The following RAB9B variants were observed in gnomAD, a reference collection of about 807,000 sequenced individuals.
RAB9B encodes RAB9B, member RAS oncogene family.
In RAB9B, 1 loss-of-function variant was observed where a neutral mutation model predicts 8.9. The ratio of observed to expected loss-of-function variants is 0.11; its 90% CI spans 0.04 to 0.53. The LOEUF (loss-of-function observed/expected upper bound fraction) is 0.53, where lower values mean the gene tolerates loss of function less well. Among genes scored for constraint, RAB9B ranks in the 20% least tolerant of loss-of-function variants. RAB9B has a pLI of 0.93. For synonymous variants in RAB9B, 63 were observed against 57.0 expected (o/e 1.10, Z -0.47); for missense variants, 82 against 152.9 (o/e 0.54, Z 2.45).
At chrX:103,800,692 T>C in the RAB9B span, among the ~76,000 whole-genome samples, 1 of 112,122 alleles carries the variant, frequency 8.9e-6, no homozygotes, top group African/African-American at 3.2e-5. Flanking sequence ...CTCATTTTAA[T>C]GTATCTGCGT....
At chrX:103,783,655 T>C in the RAB9B span, among the ~76,000 whole-genome samples, 10 of 112,054 alleles carry the variant, frequency 8.9e-5, no homozygotes, top group African/African-American at 2.9e-4. Flanking sequence ...TGTAAATCAC[T>C]AGGTATTCAT....
chrX:103,817,376 A>G (rs758677193), downstream of RAB9B, among the ~76,000 whole-genome samples: 3 of 110,865 alleles, frequency 2.7e-5, no homozygotes, highest in East Asian at 8.5e-4. Context: ...TGGGAGTCGA[A>G]CAATAAGAAC....
At chrX:103,800,347 C>T in the RAB9B span, among the ~76,000 whole-genome samples, 1 of 111,170 alleles carries the variant, frequency 9.0e-6, no homozygotes, top group Non-Finnish European at 1.9e-5. Flanking sequence ...AGAACACATT[C>T]ATTGCTTTAG....
chrX:103,831,428 T>C (rs2074703068), intron 1 of RAB9B, among the ~76,000 whole-genome samples: 1 of 103,589 alleles, frequency 9.7e-6, no homozygotes, highest in Admixed American at 1.1e-4. Context: ...ATATCCTATA[T>C]GCAACTCAAA....
At chrX:103,778,658 C>T in the RAB9B span, among the ~76,000 whole-genome samples, 20 of 111,528 alleles carry the variant, frequency 1.8e-4, no homozygotes, top group African/African-American at 5.9e-4. Flanking sequence ...CAGATAAGGG[C>T]ACGATTGAGG....
the RAB9B span, among the ~76,000 whole-genome samples, chrX:103,779,157 G>A: frequency 1.8e-5 from 2 of 112,480 alleles, no homozygotes; most frequent in Non-Finnish European, 3.8e-5. Flanking sequence ...TTGGGATAAT[G>A]ATGGAACCAG....
chrX:103,797,244 G>A, the RAB9B span, among the ~76,000 whole-genome samples: 2 of 108,294 alleles, frequency 1.8e-5, no homozygotes, highest in African/African-American at 6.8e-5. Flanking sequence ...ACTGCACCAT[G>A]CTCAGTGCTA....
the RAB9B span, among the ~76,000 whole-genome samples, chrX:103,789,733 A>G: frequency 8.9e-6 from 1 of 112,195 alleles, no homozygotes; most frequent in African/African-American, 3.2e-5. Context: ...TTTTGATCAG[A>G]TCAGTGACAA....
chrX:103,776,802 C>T, the RAB9B span: 164 of 460,364 alleles, frequency 3.6e-4, no homozygotes, highest in South Asian at 4.2e-3. Context: ...GAAAGCAGGC[C>T]TGTCCCTTTA....
the RAB9B span, chrX:103,780,118 G>C: frequency 8.9e-6 from 1 of 112,946 alleles, no homozygotes; most frequent in East Asian, 2.8e-4. Flanking sequence ...TGGCCCTGAG[G>C]GCTATCTCTC....
At chrX:103,814,251 T>A in the RAB9B span, among the ~76,000 whole-genome samples, 1 of 111,975 alleles carries the variant, frequency 8.9e-6, no homozygotes, top group Non-Finnish European at 1.9e-5. Flanking sequence ...CAGACCACAG[T>A]GCAATCAAAT....
chrX:103,827,451 C>A (rs774580260), intron 1 of RAB9B, among the ~76,000 whole-genome samples: 2 of 111,144 alleles, frequency 1.8e-5, no homozygotes, highest in East Asian at 2.8e-4. Flanking sequence ...AATCCTAAGT[C>A]GGAGATGAAA....
At chrX:103,797,376 C>A in the RAB9B span, among the ~76,000 whole-genome samples, 5 of 112,118 alleles carry the variant, frequency 4.5e-5, no homozygotes, top group African/African-American at 6.5e-5. Context: ...TGCTCCCAGC[C>A]CCAAGGAAAG....
Position 103,823,371 on chromosome X carries a change from A to C in RAB9B, c.*1808T>G. 1 of 111,612 alleles carries C rather than the reference A, an allele frequency of 9.0e-6. No individual in the cohort carries two copies. The highest frequency in any genetic ancestry group is 3.8e-4 in the South Asian group (1 of 2,621). 9.2% of individuals were successfully genotyped at this position (111,612 alleles called of 1,213,427 possible). On this transcript the variant is annotated 3_prime_UTR_variant, in exon 3 of 3. Transcript: ENST00000243298. ...GTGTCAGGATTATATCTTAATTGGAAATATTGAGTATGACTGAGTTGAAAT... is the reference window on the plus strand; with the variant it reads ...GTGTCAGGATTATATCTTAATTGGACATATTGAGTATGACTGAGTTGAAAT...
At chrX:103,795,122 A>G in the RAB9B span, among the ~76,000 whole-genome samples, 1 of 111,593 alleles carries the variant, frequency 9.0e-6, no homozygotes, top group South Asian at 3.8e-4. Context: ...ATGGAGCTCA[A>G]CTAAAGACAG....
intron 1 of RAB9B, among the ~76,000 whole-genome samples, chrX:103,829,515 C>T (rs2074695672): frequency 8.9e-6 from 1 of 112,102 alleles, no homozygotes; most frequent in Admixed American, 9.5e-5. Context: ...TGCTACCATC[C>T]TCATTTTGGC....
At chrX:103,800,944 A>G in the RAB9B span, among the ~76,000 whole-genome samples, 1 of 112,316 alleles carries the variant, frequency 8.9e-6, no homozygotes, top group South Asian at 3.7e-4. Flanking sequence ...AATGCAGTTC[A>G]ATTTTAAATG....
chrX:103,784,790 C>T, the RAB9B span, among the ~76,000 whole-genome samples: 1 of 112,174 alleles, frequency 8.9e-6, no homozygotes, highest in African/African-American at 3.2e-5. Flanking sequence ...GTCTACTTAG[C>T]TAATTCTTCC....
the RAB9B span, among the ~76,000 whole-genome samples, chrX:103,798,871 A>G: frequency 9.3e-6 from 1 of 108,104 alleles, no homozygotes; most frequent in Non-Finnish European, 1.9e-5. Context: ...CAAACTCCCA[A>G]TCTCGTGATT....
Sources: allele counts gnomAD v4.1 joint callset (sites outside exome capture counted in the v4.1 genomes callset), GRCh38; gene constraint gnomAD v4.1.1; transcripts MANE v1.5; gene names NCBI Gene and HGNC (gene_info 2026-07-23, HGNC 2026-07-21).